The following WDPCP variants were observed in gnomAD, a reference collection of about 807,000 sequenced individuals.
The protein encoded by WDPCP is WD repeat containing planar cell polarity effector.
A neutral mutation model predicts 93.1 loss-of-function variants in WDPCP; 71 were observed. The observed-to-expected ratio is 0.76, with a 90% confidence interval of 0.63 to 0.93. The LOEUF (loss-of-function observed/expected upper bound fraction) is 0.93, where lower values mean the gene tolerates loss of function less well. WDPCP is among the 40% of genes least tolerant of loss of function. The probability of loss-of-function intolerance (pLI) is 0.00; values close to 1 mark genes in which losing one functional copy is unlikely to be tolerated. For synonymous variants in WDPCP, 315 were observed against 315.0 expected (o/e 1.00, Z 0.00); for missense variants, 844 against 887.4 (o/e 0.95, Z 0.62).
At chr2:63,739,515 T>C (rs1669685652) in intron 2 of WDPCP, among the ~76,000 whole-genome samples, 1 of 152,136 alleles carries the variant, frequency 6.6e-6, no homozygotes, top group Non-Finnish European at 1.5e-5. Context: ...CATGGTAGAA[T>C]GGTTTGTATT....
intron 6 of WDPCP, among the ~76,000 whole-genome samples, chr2:63,483,839 T>C (rs762096583): frequency 6.6e-6 from 1 of 151,954 alleles, no homozygotes; most frequent in Non-Finnish European, 1.5e-5. Flanking sequence ...ATATAGTACT[T>C]TTTAAGCCTA....
intron 2 of WDPCP, chr2:63,751,908 AT>A: frequency 1.5e-6 from 1 of 686,930 alleles, no homozygotes; most frequent in Non-Finnish European, 2.7e-6. Context: ...CACCAAATCC[AT>A]TATAGCCATC....
chr2:63,688,740 C>T (rs1668847918), intron 2 of WDPCP, among the ~76,000 whole-genome samples: 1 of 151,786 alleles, frequency 6.6e-6, no homozygotes, highest in African/African-American at 2.4e-5. Flanking sequence ...CTCACATACC[C>T]CATAAATATA....
intron 14 of WDPCP, among the ~76,000 whole-genome samples, chr2:63,182,943 T>C (rs1046348977): frequency 1.3e-5 from 2 of 151,956 alleles, no homozygotes; most frequent in African/African-American, 2.4e-5. Flanking sequence ...GAGGTGTTCA[T>C]GGTAGTCTTT....
intron 12 of WDPCP, among the ~76,000 whole-genome samples, chr2:63,320,093 A>C (rs1386696328): frequency 6.6e-6 from 1 of 152,180 alleles, no homozygotes; most frequent in Non-Finnish European, 1.5e-5. Flanking sequence ...TATTGAAAAG[A>C]AGGTTAAAAA....
chr2:63,592,805 T>A (rs1709225230), upstream of WDPCP, among the ~76,000 whole-genome samples: 1 of 152,090 alleles, frequency 6.6e-6, no homozygotes, highest in Admixed American at 6.5e-5. Context: ...ACAGGACAGG[T>A]GTTGTTCTAG....
chr2:63,407,389 A>AT (rs974984748), intron 9 of WDPCP, among the ~76,000 whole-genome samples: 1 of 152,242 alleles, frequency 6.6e-6, no homozygotes, highest in African/African-American at 2.4e-5. Flanking sequence ...AGGGACTTTG[A>AT]TTTTTTCTCT....
At chr2:63,238,349 T>C (rs767855578) in intron 14 of WDPCP, among the ~76,000 whole-genome samples, 54 of 152,168 alleles carry the variant, frequency 3.5e-4, no homozygotes, top group Non-Finnish European at 7.5e-4. Flanking sequence ...CTACTGAATC[T>C]TGAAACACGG....
At chr2:63,478,812 G>C (rs774593321) in intron 6 of WDPCP, among the ~76,000 whole-genome samples, 11 of 151,922 alleles carry the variant, frequency 7.2e-5, no homozygotes, top group Non-Finnish European at 1.6e-4. Context: ...CAGAAGAAAA[G>C]AAATAACAAA....
At chr2:63,325,353 C>T (rs1687449973) in intron 12 of WDPCP, among the ~76,000 whole-genome samples, 2 of 152,238 alleles carry the variant, frequency 1.3e-5, no homozygotes, top group South Asian at 2.1e-4. Context: ...GGAAGGCACA[C>T]TGTCCCAGAG....
chr2:63,245,821 G>C (rs1680225947), intron 14 of WDPCP, among the ~76,000 whole-genome samples: 1 of 152,130 alleles, frequency 6.6e-6, no homozygotes, highest in Non-Finnish European at 1.5e-5. Context: ...GGGTACATGT[G>C]ATGTTCGATA....
At chr2:63,785,317 G>A (rs1218045632) in intron 2 of WDPCP, among the ~76,000 whole-genome samples, 1 of 152,080 alleles carries the variant, frequency 6.6e-6, no homozygotes, top group Admixed American at 6.5e-5. Context: ...CACCTAGGCT[G>A]GCTACTTAGC....
intron 1 of WDPCP, among the ~76,000 whole-genome samples, chr2:63,499,053 A>T (rs1701390827): frequency 6.6e-6 from 1 of 152,234 alleles, no homozygotes; most frequent in Non-Finnish European, 1.5e-5. Context: ...GTATATGTTT[A>T]CTGAGTCATA....
intron 2 of WDPCP, among the ~76,000 whole-genome samples, chr2:63,695,991 A>C (rs1352777710): frequency 1.3e-5 from 2 of 152,100 alleles, no homozygotes; most frequent in African/African-American, 4.8e-5. Flanking sequence ...TGATTTGGAG[A>C]TGGTTGAGGT....
chr2:63,535,379 C>A (rs561473293), intron 1 of WDPCP, among the ~76,000 whole-genome samples: 3 of 152,260 alleles, frequency 2.0e-5, no homozygotes, highest in African/African-American at 7.2e-5. Context: ...TCATATGGAA[C>A]CAAAAAAGAC....
intron 9 of WDPCP, among the ~76,000 whole-genome samples, chr2:63,416,806 G>A (rs1184726727): frequency 6.6e-6 from 1 of 152,172 alleles, no homozygotes; most frequent in Non-Finnish European, 1.5e-5. Flanking sequence ...ACAGGTGTAG[G>A]CCACCACACC....
intron 2 of WDPCP, among the ~76,000 whole-genome samples, chr2:63,766,586 A>C (rs1436128055): frequency 6.6e-6 from 1 of 152,186 alleles, no homozygotes; most frequent in Non-Finnish European, 1.5e-5. Flanking sequence ...CTTAAAAAAA[A>C]AAAGCTTTAC....
intron 13 of WDPCP, among the ~76,000 whole-genome samples, chr2:63,270,518 C>G (rs1403287361): frequency 1.3e-5 from 2 of 151,952 alleles, no homozygotes. Context: ...CTAGAGGCAC[C>G]AGCACTCACC....
Position 63,433,944 on chromosome 2 carries a change from T to A in WDPCP, c.634-8A>T. 6.2e-7 allele frequency: 1 copy of A among 1,612,804 alleles called. No homozygotes were observed. Among genetic ancestry groups the A allele is most frequent in the African/African-American group, 1.3e-5 (1 of 75,006 alleles). On this transcript the variant is annotated splice_region_variant and splice_polypyrimidine_tract_variant and intron_variant, in intron 8 of 17. Coordinates refer to ENST00000272321, the MANE Select transcript of WDPCP (RefSeq NM_015910.7). ...TATTTCATAATAGAAAATCTAACAATTTTAAAAAAGCATACATGAAACATT... is the reference window on the plus strand; with the variant it reads ...TATTTCATAATAGAAAATCTAACAAATTTAAAAAAGCATACATGAAACATT...
Sources: allele counts gnomAD v4.1 joint callset (sites outside exome capture counted in the v4.1 genomes callset), GRCh38; gene constraint gnomAD v4.1.1; transcripts MANE v1.5; gene names NCBI Gene and HGNC (gene_info 2026-07-23, HGNC 2026-07-21).